The following ACSS3 variants were observed in gnomAD, a reference collection of about 807,000 sequenced individuals.
The protein encoded by ACSS3 is acyl-CoA synthetase short chain family member 3, also known as acyl-CoA synthetase short-chain family member 3, mitochondrial.
In ACSS3, 64 loss-of-function variants were observed where a neutral mutation model predicts 84.2. That is an observed-to-expected ratio of 0.76 (90% CI 0.62 to 0.94). The LOEUF (loss-of-function observed/expected upper bound fraction) is 0.94, where lower values mean the gene tolerates loss of function less well. Among genes scored for constraint, ACSS3 ranks in the 40% least tolerant of loss-of-function variants. The pLI is 0.00. For synonymous variants in ACSS3, 317 were observed against 310.1 expected (o/e 1.02, Z -0.23); for missense variants, 815 against 867.6 (o/e 0.94, Z 0.76).
chr12:81,213,372 G>T (rs576667221), intron 9 of ACSS3, among the ~76,000 whole-genome samples: 2 of 152,062 alleles, frequency 1.3e-5, no homozygotes, highest in African/African-American at 4.8e-5. Flanking sequence ...TTGAAGATGC[G>T]TCAGTCCTTG....
intron 1 of ACSS3, among the ~76,000 whole-genome samples, chr12:81,091,837 C>T (rs7315053): frequency 0.06 from 9,072 of 152,118 alleles, 674 homozygotes; most frequent in African/African-American, 0.18. Context: ...TACATAATAA[C>T]AGCATCACCT....
At chr12:81,201,665 G>A (rs2032115228) in intron 9 of ACSS3, among the ~76,000 whole-genome samples, 1 of 152,180 alleles carries the variant, frequency 6.6e-6, no homozygotes, top group Non-Finnish European at 1.5e-5. Context: ...TCAGGTTGGA[G>A]TGACTGTTAA....
chr12:81,195,995 C>G (rs184353677), intron 8 of ACSS3, among the ~76,000 whole-genome samples: 320 of 152,180 alleles, frequency 2.1e-3, no homozygotes, highest in Non-Finnish European at 3.1e-3. Flanking sequence ...TTAAACCAAT[C>G]ATACTCTAAA....
chr12:81,196,536 T>A (rs2031839135), intron 8 of ACSS3, among the ~76,000 whole-genome samples: 4 of 152,184 alleles, frequency 2.6e-5, no homozygotes, highest in Admixed American at 2.6e-4. Flanking sequence ...TTTTTTGGAT[T>A]TGCAGCTCAC....
At chr12:81,178,085 C>T (rs928099732) in intron 8 of ACSS3, among the ~76,000 whole-genome samples, 2 of 151,930 alleles carry the variant, frequency 1.3e-5, no homozygotes, top group African/African-American at 2.4e-5. Context: ...TAATGATAGA[C>T]TGGATTAAGA....
intron 8 of ACSS3, among the ~76,000 whole-genome samples, chr12:81,180,069 G>A (rs145034153): frequency 1.3e-3 from 194 of 152,262 alleles, no homozygotes; most frequent in Non-Finnish European, 2.4e-3. Flanking sequence ...AGAGTATCAT[G>A]GCCTTCATGG....
intron 8 of ACSS3, among the ~76,000 whole-genome samples, chr12:81,193,757 T>A (rs1282248992): frequency 6.6e-6 from 1 of 151,962 alleles, no homozygotes; most frequent in Non-Finnish European, 1.5e-5. Flanking sequence ...ACTCTTGAAT[T>A]AGGTTAGTAT....
intron 9 of ACSS3, among the ~76,000 whole-genome samples, chr12:81,214,607 G>C (rs563125635): frequency 1.3e-5 from 2 of 152,140 alleles, no homozygotes; most frequent in African/African-American, 2.4e-5. Flanking sequence ...CAGGAGGTTC[G>C]TATATCAGCT....
chr12:81,234,355 A>G (rs2033561244), intron 13 of ACSS3, among the ~76,000 whole-genome samples: 1 of 151,378 alleles, frequency 6.6e-6, no homozygotes, highest in Admixed American at 6.6e-5. Context: ...GGGCTGTTAT[A>G]CACATTCAAA....
intron 9 of ACSS3, among the ~76,000 whole-genome samples, chr12:81,216,612 A>G (rs979230391): frequency 1.3e-5 from 2 of 152,176 alleles, no homozygotes; most frequent in African/African-American, 4.8e-5. Flanking sequence ...TCCATTCTAC[A>G]CGCCTGCTGA....
intron 2 of ACSS3, among the ~76,000 whole-genome samples, chr12:81,123,647 TG>T (rs1351952062): frequency 6.6e-6 from 1 of 151,826 alleles, no homozygotes; most frequent in Non-Finnish European, 1.5e-5. Context: ...CAGTGCCCAG[TG>T]TCTATCGTTC....
intron 11 of ACSS3, 71 bp downstream of exon 11, chr12:81,220,147 C>A: frequency 3.3e-6 from 3 of 911,812 alleles, no homozygotes; most frequent in South Asian, 2.5e-5. Flanking sequence ...AAAATGGGGT[C>A]ATTGCAGTGT....
At chr12:81,152,205 T>TTATTA (rs1886646155) in intron 7 of ACSS3, 109 bp downstream of exon 7, 1 of 700,448 alleles carries the variant, frequency 1.4e-6, no homozygotes, top group East Asian at 2.8e-5. Flanking sequence ...ACAGGGGACA[T>TTATTA]TATTATATCT....
chr12:81,240,489 C>T (rs745956940), intron 13 of ACSS3, among the ~76,000 whole-genome samples: 6 of 151,966 alleles, frequency 3.9e-5, no homozygotes, highest in Non-Finnish European at 8.8e-5. Context: ...TGTTTTTGAT[C>T]TACTCTCTGA....
intron 9 of ACSS3, among the ~76,000 whole-genome samples, chr12:81,208,981 C>G (rs2032472295): frequency 6.6e-6 from 1 of 152,136 alleles, no homozygotes; most frequent in South Asian, 2.1e-4. Flanking sequence ...CTTTGAATAT[C>G]ATTCTTGGAA....
At chr12:81,085,173 C>T (rs1273737771) in intron 1 of ACSS3, among the ~76,000 whole-genome samples, 3 of 152,130 alleles carry the variant, frequency 2.0e-5, no homozygotes, top group African/African-American at 7.2e-5. Context: ...GCAAGTTGAA[C>T]TTTGTGTGGT....
intron 11 of ACSS3, among the ~76,000 whole-genome samples, chr12:81,229,899 A>T (rs2033398322): frequency 6.6e-6 from 1 of 151,910 alleles, no homozygotes; most frequent in African/African-American, 2.4e-5. Context: ...AGGCATCGGC[A>T]GCTGCTTCCA....
At chr12:81,225,523 G>A (rs1011495109) in intron 11 of ACSS3, among the ~76,000 whole-genome samples, 3 of 151,994 alleles carry the variant, frequency 2.0e-5, no homozygotes, top group Non-Finnish European at 2.9e-5. Flanking sequence ...CCACACCTTG[G>A]ATGGGGATAA....
intron 7 of ACSS3, among the ~76,000 whole-genome samples, chr12:81,161,090 A>T (rs1279498921): frequency 6.6e-6 from 1 of 152,240 alleles, no homozygotes; most frequent in East Asian, 1.9e-4. Context: ...AACACTAAAC[A>T]TAAATTCTCC....
Sources: allele counts gnomAD v4.1 joint callset (sites outside exome capture counted in the v4.1 genomes callset), GRCh38; gene constraint gnomAD v4.1.1; transcripts MANE v1.5; gene names NCBI Gene and HGNC (gene_info 2026-07-23, HGNC 2026-07-21).